GALNT13: variants seen among roughly 807,000 people sequenced by gnomAD.
The protein encoded by GALNT13 is UDP-GalNAc:polypeptide N-acetylgalactosaminyltransferase 13.
A neutral mutation model predicts 64.2 loss-of-function variants in GALNT13; 28 were observed. That is an observed-to-expected ratio of 0.44 (90% CI 0.32 to 0.60). GALNT13 has a LOEUF of 0.60. GALNT13 is among the 20% of genes least tolerant of loss of function. The pLI is 0.05. For missense variants in GALNT13, 577 were observed against 669.8 expected, an observed-to-expected ratio of 0.86 and a Z score of 1.53; for synonymous variants, 214 against 224.6, an observed-to-expected ratio of 0.95 and a Z score of 0.42.
At chr2:153,176,767 GT>G in the GALNT13 span, among the ~76,000 whole-genome samples, 9 of 84,862 alleles carry the variant, frequency 1.1e-4, no homozygotes, top group East Asian at 4.9e-4. Context: ...AGTTGCCTGA[GT>G]TTAAAAAAAA....
At chr2:154,285,390 A>G (rs905720591) in intron 8 of GALNT13, among the ~76,000 whole-genome samples, 2 of 152,080 alleles carry the variant, frequency 1.3e-5, no homozygotes, top group African/African-American at 4.8e-5. Flanking sequence ...ATTTGAGTTG[A>G]TGTTTGTATA....
the GALNT13 span, among the ~76,000 whole-genome samples, chr2:153,534,106 AC>A: frequency 2.0e-5 from 3 of 151,816 alleles, no homozygotes; most frequent in Non-Finnish European, 4.4e-5. Flanking sequence ...ATCCTTTAGA[AC>A]CCTTAGCATA....
the GALNT13 span, among the ~76,000 whole-genome samples, chr2:153,432,592 G>C: frequency 1.3e-5 from 2 of 151,902 alleles, no homozygotes; most frequent in South Asian, 4.2e-4. Context: ...TTCACCTATT[G>C]CTTGGCAGAA....
intron 9 of GALNT13, among the ~76,000 whole-genome samples, chr2:154,322,807 C>T (rs1034885195): frequency 3.9e-5 from 6 of 152,026 alleles, no homozygotes; most frequent in East Asian, 1.9e-4. Context: ...ATTTCTCTCC[C>T]GAAGCCATTG....
chr2:153,665,141 C>CT, the GALNT13 span, among the ~76,000 whole-genome samples: 7 of 152,142 alleles, frequency 4.6e-5, no homozygotes, highest in Admixed American at 4.6e-4. Context: ...TCAATGGGGA[C>CT]TAAGATGCTT....
At chr2:153,318,169 C>T in the GALNT13 span, among the ~76,000 whole-genome samples, 6 of 141,234 alleles carry the variant, frequency 4.2e-5, no homozygotes, top group Non-Finnish European at 6.0e-5. Flanking sequence ...AAGACATTTA[C>T]ATTCATCTCC....
At chr2:153,949,252 T>G (rs911455096) in intron 3 of GALNT13, among the ~76,000 whole-genome samples, 1 of 152,118 alleles carries the variant, frequency 6.6e-6, no homozygotes, top group Admixed American at 6.6e-5. Context: ...CTCAGAACAC[T>G]TCCCCATCCT....
intron 10 of GALNT13, among the ~76,000 whole-genome samples, chr2:154,408,780 T>C (rs2105391757): frequency 6.6e-6 from 1 of 152,170 alleles, no homozygotes; most frequent in East Asian, 1.9e-4. Flanking sequence ...TTCAAAAACT[T>C]CAGGAGGAGT....
chr2:153,926,297 G>T (rs1010115858), intron 2 of GALNT13: 3 of 151,900 alleles, frequency 2.0e-5, no homozygotes, highest in Non-Finnish European at 4.4e-5. Flanking sequence ...GATTTAATTG[G>T]ATTTGAGGGA....
chr2:153,404,102 C>G, the GALNT13 span, among the ~76,000 whole-genome samples: 2 of 152,180 alleles, frequency 1.3e-5, no homozygotes, highest in African/African-American at 2.4e-5. Context: ...TGGTGTGTGG[C>G]AAACCATAGT....
the GALNT13 span, among the ~76,000 whole-genome samples, chr2:153,399,821 TG>T: frequency 6.6e-6 from 1 of 152,064 alleles, no homozygotes; most frequent in Admixed American, 6.5e-5. Flanking sequence ...AAGGAGATTT[TG>T]GGCTGAGACA....
chr2:153,591,653 A>G, the GALNT13 span, among the ~76,000 whole-genome samples: 2 of 151,892 alleles, frequency 1.3e-5, no homozygotes, highest in Admixed American at 6.6e-5. Context: ...AGCTATATCT[A>G]TATCTCTCAC....
the GALNT13 span, among the ~76,000 whole-genome samples, chr2:153,734,495 T>A: frequency 6.6e-6 from 1 of 152,188 alleles, no homozygotes; most frequent in Admixed American, 6.5e-5. Context: ...TAAATTTGCA[T>A]ACAGAAGCAG....
chr2:153,509,697 G>T, the GALNT13 span, among the ~76,000 whole-genome samples: 10 of 152,172 alleles, frequency 6.6e-5, no homozygotes, highest in Admixed American at 6.5e-4. Context: ...TGAGCCAGGC[G>T]TAGTGAATAA....
At chr2:153,374,411 T>C in the GALNT13 span, among the ~76,000 whole-genome samples, 57,151 of 151,866 alleles carry the variant, frequency 0.38, 11,229 homozygotes, top group Non-Finnish European at 0.44. Flanking sequence ...TTCAAGTCTT[T>C]TGTTTATTTT....
chr2:153,733,699 G>T, the GALNT13 span, among the ~76,000 whole-genome samples: 6 of 152,166 alleles, frequency 3.9e-5, no homozygotes, highest in African/African-American at 9.7e-5. Flanking sequence ...TTGGGCAAAT[G>T]GTTATTGGCA....
At chr2:153,557,489 A>G in the GALNT13 span, among the ~76,000 whole-genome samples, 2 of 152,172 alleles carry the variant, frequency 1.3e-5, no homozygotes, top group Non-Finnish European at 2.9e-5. Flanking sequence ...TGCCAAGGCT[A>G]TGAGTTACAG....
chr2:153,579,560 A>G, the GALNT13 span, among the ~76,000 whole-genome samples: 1 of 152,172 alleles, frequency 6.6e-6, no homozygotes, highest in Non-Finnish European at 1.5e-5. Context: ...TATGAAGATA[A>G]TTGAGCATAA....
At chr2:153,531,902 A>C in the GALNT13 span, among the ~76,000 whole-genome samples, 5 of 152,186 alleles carry the variant, frequency 3.3e-5, no homozygotes, top group Admixed American at 3.3e-4. Flanking sequence ...CATTTAGGCC[A>C]CACTGATAAA....
Sources: allele counts gnomAD v4.1 joint callset (sites outside exome capture counted in the v4.1 genomes callset), GRCh38; gene constraint gnomAD v4.1.1; transcripts MANE v1.5; gene names NCBI Gene and HGNC (gene_info 2026-07-23, HGNC 2026-07-21).